The following PPP2R2C variants were observed in gnomAD, a reference collection of about 807,000 sequenced individuals.
The protein encoded by PPP2R2C is protein phosphatase 2 regulatory subunit Bgamma.
PPP2R2C carries 10 observed loss-of-function variants against 45.3 expected under a neutral mutation model. The ratio of observed to expected loss-of-function variants is 0.22; its 90% confidence interval spans 0.14 to 0.37. The LOEUF is 0.37. Among genes scored for constraint, PPP2R2C ranks in the 10% least tolerant of loss-of-function variants. The pLI is 1.00. For synonymous variants in PPP2R2C, 257 were observed against 245.4 expected, an observed-to-expected ratio of 1.05 and a Z score of -0.44; for missense variants, 308 against 619.7, an observed-to-expected ratio of 0.50 and a Z score of 5.34.
intron 8 of PPP2R2C, among the ~76,000 whole-genome samples, chr4:6,323,882 C>T (rs186298549): frequency 2.7e-5 from 4 of 150,818 alleles, no homozygotes; most frequent in Admixed American, 1.3e-4. Flanking sequence ...GAGGCAGAGA[C>T]TGCAGTGAGC....
intron 1 of PPP2R2C, among the ~76,000 whole-genome samples, chr4:6,466,937 G>C (rs1264295788): frequency 6.6e-6 from 1 of 152,168 alleles, no homozygotes; most frequent in African/African-American, 2.4e-5. Context: ...ACTACAATTT[G>C]GGGAAATTGA....
At chr4:6,366,391 A>G (rs1044904618) in intron 5 of PPP2R2C, among the ~76,000 whole-genome samples, 2 of 152,170 alleles carry the variant, frequency 1.3e-5, no homozygotes, top group Admixed American at 6.5e-5. Flanking sequence ...TCCTAAGACC[A>G]CATGGAAGTG....
chr4:6,397,889 C>A (rs1717151046), intron 1 of PPP2R2C, among the ~76,000 whole-genome samples: 1 of 152,194 alleles, frequency 6.6e-6, no homozygotes, highest in Non-Finnish European at 1.5e-5. Context: ...GGAGGATTTA[C>A]CCCAGCTGAT....
chr4:6,519,162 C>T (rs1478499460), intron 2 of PPP2R2C, among the ~76,000 whole-genome samples: 2 of 152,146 alleles, frequency 1.3e-5, no homozygotes, highest in Non-Finnish European at 2.9e-5. Flanking sequence ...CCACCATCCA[C>T]CCTTCTGACT....
Position 6,408,748 on chromosome 4 carries a change from G to C in PPP2R2C, c.71-27654C>G, listed in dbSNP as rs184535625. Among the ~76,000 whole-genome samples, 453 of 152,210 alleles carry C rather than the reference G, an allele frequency of 3.0e-3. 1 individual carries two copies. Among genetic ancestry groups the C allele is most frequent in the Non-Finnish European group, 4.0e-3 (270 of 68,010 alleles). On this transcript the variant is annotated intron_variant, in intron 1 of 8. Coordinates refer to ENST00000382599, the MANE Select transcript of PPP2R2C (RefSeq NM_020416.4). ...CCACAGGTGATCTGCGGGGCACCCT[G>C]AGAAACTCCAAGGGCGGAGGATGCA...
intron 1 of PPP2R2C, among the ~76,000 whole-genome samples, chr4:6,555,961 A>T (rs1441748411): frequency 1.3e-5 from 2 of 152,056 alleles, no homozygotes; most frequent in Non-Finnish European, 2.9e-5. Context: ...GTGTTTCCCC[A>T]TCTCTGCCCT....
chr4:6,384,021 C>T (rs1209345704), intron 1 of PPP2R2C: 1 of 985,410 alleles, frequency 1.0e-6, no homozygotes, highest in Non-Finnish European at 1.2e-6. Context: ...TGTCACTGAA[C>T]TTAAAAAGAC....
chr4:6,413,678 G>A (rs1296090214), intron 1 of PPP2R2C, among the ~76,000 whole-genome samples: 1 of 152,190 alleles, frequency 6.6e-6, no homozygotes, highest in Non-Finnish European at 1.5e-5. Flanking sequence ...CATGATGAGG[G>A]GAAAGCCCAC....
At chr4:6,474,963 G>A (rs1722088152), upstream of PPP2R2C, among the ~76,000 whole-genome samples, 2 of 152,112 alleles carry the variant, frequency 1.3e-5, no homozygotes, top group Admixed American at 1.3e-4. Flanking sequence ...TCTCTGTACA[G>A]ACTCCTCTCT....
intron 1 of PPP2R2C, chr4:6,384,907 T>C (rs1468851618): frequency 1.8e-5 from 17 of 948,426 alleles, no homozygotes; most frequent in Non-Finnish European, 1.9e-5. Context: ...CTGTGTGGTC[T>C]TGGGTAAGCC....
Position 6,329,438 on chromosome 4 carries a change from G to C in PPP2R2C, c.961-85C>G. ...CAAGAAGGGTCTCAAAGAGCAGCGA[G>C]GGTCTGCATGCCCTGACATGGCCCA... On this transcript the variant is annotated intron_variant, in intron 7 of 8. Coordinates refer to ENST00000382599, the MANE Select transcript of PPP2R2C (RefSeq NM_020416.4). The surrounding 1 kb of genome is among the most constrained non-coding windows in gnomAD (Gnocchi z 5.8). 1 of 1,182,120 alleles carries C rather than the reference G, an allele frequency of 8.5e-7. No homozygotes were observed. Among genetic ancestry groups the C allele is most frequent in the Non-Finnish European group, 1.3e-6 (1 of 796,294 alleles). 73.2% of individuals were successfully genotyped at this position (1,182,120 alleles called of 1,614,324 possible).
chr4:6,367,060 G>A (rs1236269340), intron 5 of PPP2R2C, among the ~76,000 whole-genome samples: 1 of 151,934 alleles, frequency 6.6e-6, no homozygotes, highest in East Asian at 1.9e-4. Context: ...GAGAGAGAGG[G>A]AGGAGGCTGG....
At chr4:6,335,266 G>A (rs1732755234) in intron 6 of PPP2R2C, among the ~76,000 whole-genome samples, 1 of 152,222 alleles carries the variant, frequency 6.6e-6, no homozygotes. Flanking sequence ...GGGAGGAAGA[G>A]CCAGCAGGCA....
chr4:6,511,807 T>A (rs1003834392), intron 2 of PPP2R2C, among the ~76,000 whole-genome samples: 5 of 2,192 alleles, frequency 2.3e-3, no homozygotes, highest in East Asian at 0.021. Flanking sequence ...GATGGTGGTG[T>A]TGGTGGTGGT....
Position 6,382,367 on chromosome 4 carries a change from C to T in PPP2R2C, c.71-1273G>A. 7 of 1,339,006 alleles carry T rather than the reference C, an allele frequency of 5.2e-6. No homozygotes were observed. In the South Asian group the frequency reaches 8.1e-5, roughly 16 times the overall value. 82.9% of individuals were successfully genotyped at this position (1,339,006 alleles called of 1,614,324 possible). On this transcript the variant is annotated intron_variant, in intron 1 of 8. Transcript: ENST00000382599. ...ACTTTCAAACCAGCCACAGATCTGA[C>T]CGTTGCTCCCTGTAGCCACAGAGAG...
At chr4:6,395,538 G>A (rs1325080422) in intron 1 of PPP2R2C, among the ~76,000 whole-genome samples, 1 of 152,210 alleles carries the variant, frequency 6.6e-6, no homozygotes, top group Non-Finnish European at 1.5e-5. Flanking sequence ...GCTAGAGGGT[G>A]ACAGTCCACC....
At chr4:6,549,773 G>A (rs570291320) in intron 1 of PPP2R2C, among the ~76,000 whole-genome samples, 50 of 152,310 alleles carry the variant, frequency 3.3e-4, no homozygotes, top group Middle Eastern at 3.4e-3. Flanking sequence ...ACTTTCCCAC[G>A]TAGGGCCTGG....
intron 1 of PPP2R2C, among the ~76,000 whole-genome samples, chr4:6,411,999 C>T (rs1217328895): frequency 6.6e-6 from 1 of 152,134 alleles, no homozygotes; most frequent in South Asian, 2.1e-4. Flanking sequence ...ACTGTGATTC[C>T]AGGAGACTGT....
intron 1 of PPP2R2C, among the ~76,000 whole-genome samples, chr4:6,469,243 G>A (rs1311704684): frequency 1.3e-5 from 2 of 152,120 alleles, no homozygotes; most frequent in East Asian, 3.9e-4. Context: ...CATTGGACAT[G>A]GGGCCCAAAG....
Sources: allele counts gnomAD v4.1 joint callset (sites outside exome capture counted in the v4.1 genomes callset), GRCh38; gene constraint gnomAD v4.1.1; non-coding constraint Gnocchi (gnomAD v3.1); transcripts MANE v1.5; gene names NCBI Gene and HGNC (gene_info 2026-07-23, HGNC 2026-07-21).